The following ZC3H12B variants were observed in gnomAD, a reference collection of about 807,000 sequenced individuals.
The protein encoded by ZC3H12B is probable ribonuclease ZC3H12B.
ZC3H12B carries 7 observed loss-of-function variants against 43.9 expected under a neutral mutation model. That is an observed-to-expected ratio of 0.16 (90% CI 0.09 to 0.30). The LOEUF (loss-of-function observed/expected upper bound fraction) is 0.30. Ranked by LOEUF, ZC3H12B falls within the 10% of genes least tolerant of loss-of-function variation. ZC3H12B has a pLI of 1.00. For missense variants in ZC3H12B, 475 were observed against 670.2 expected (o/e 0.71, Z 3.22); for synonymous variants, 222 against 241.7 (o/e 0.92, Z 0.76).
At chrX:65,416,663 G>A (rs1008222240) in intron 3 of ZC3H12B, among the ~76,000 whole-genome samples, 3 of 108,729 alleles carry the variant, frequency 2.8e-5, no homozygotes, top group African/African-American at 1.0e-4. Context: ...GGTGGTGGGC[G>A]CCTGTAGTTC....
the ZC3H12B span, among the ~76,000 whole-genome samples, chrX:65,067,553 C>T: frequency 1.1e-4 from 12 of 111,244 alleles, no homozygotes; most frequent in African/African-American, 3.3e-4. Flanking sequence ...GTGTTGGTCT[C>T]GCTGGGAGCT....
the ZC3H12B span, among the ~76,000 whole-genome samples, chrX:65,350,893 C>T: frequency 9.0e-6 from 1 of 111,516 alleles, no homozygotes; most frequent in Admixed American, 9.5e-5. Context: ...GGCCATACTG[C>T]CTAAAGTAAT....
exon 1 of ZC3H12B, chrX:65,489,208 C>T: frequency 8.3e-7 from 1 of 1,211,515 alleles, no homozygotes; most frequent in Non-Finnish European, 1.1e-6. Context: ...GGCCCAGAAT[C>T]ACTTATTAAT....
At chrX:65,137,788 A>G in the ZC3H12B span, among the ~76,000 whole-genome samples, 1 of 112,672 alleles carries the variant, frequency 8.9e-6, no homozygotes, top group African/African-American at 3.2e-5. Flanking sequence ...AAACAGTAAG[A>G]TTTATTTTTC....
chrX:65,145,990 A>G, the ZC3H12B span, among the ~76,000 whole-genome samples: 1 of 111,425 alleles, frequency 9.0e-6, no homozygotes. Flanking sequence ...TGAATTTCCC[A>G]GGTGTTCTTT....
chrX:65,142,028 C>T, the ZC3H12B span, among the ~76,000 whole-genome samples: 1 of 112,062 alleles, frequency 8.9e-6, no homozygotes, highest in Non-Finnish European at 1.9e-5. Flanking sequence ...GGCAGATACC[C>T]AGTAGTGGGA....
the ZC3H12B span, among the ~76,000 whole-genome samples, chrX:65,073,489 G>C: frequency 1.8e-5 from 2 of 112,330 alleles, no homozygotes; most frequent in African/African-American, 6.5e-5. Context: ...GGCAGACCAA[G>C]GGGTGTTCAG....
At chrX:65,127,309 G>T in the ZC3H12B span, among the ~76,000 whole-genome samples, 4 of 111,915 alleles carry the variant, frequency 3.6e-5, no homozygotes, top group Non-Finnish European at 7.5e-5. Flanking sequence ...CCAGACTCCA[G>T]GCTAGCACTG....
chrX:65,324,271 T>C, the ZC3H12B span, among the ~76,000 whole-genome samples: 1 of 112,084 alleles, frequency 8.9e-6, no homozygotes, highest in East Asian at 2.8e-4. Flanking sequence ...TCTTTGCCCA[T>C]GCCTATGTCC....
chrX:65,390,269 G>A (rs1025301406), intron 2 of ZC3H12B, among the ~76,000 whole-genome samples: 2 of 110,813 alleles, frequency 1.8e-5, no homozygotes, highest in Non-Finnish European at 3.8e-5. Flanking sequence ...GGTAGGGGGA[G>A]GGGGAGGGAC....
the ZC3H12B span, among the ~76,000 whole-genome samples, chrX:65,095,483 C>G: frequency 9.0e-6 from 1 of 110,977 alleles, no homozygotes; most frequent in East Asian, 2.9e-4. Context: ...TTCAGAGGAT[C>G]ATGTCTTACC....
the ZC3H12B span, among the ~76,000 whole-genome samples, chrX:65,151,917 C>A: frequency 1.8e-5 from 2 of 111,837 alleles, no homozygotes; most frequent in Admixed American, 1.9e-4. Flanking sequence ...GGAGGCAAGG[C>A]TGGTTCAATA....
the ZC3H12B span, among the ~76,000 whole-genome samples, chrX:65,146,375 C>T: frequency 3.6e-5 from 4 of 111,678 alleles, no homozygotes; most frequent in African/African-American, 1.3e-4. Context: ...TCTCCCTTCA[C>T]TTGGATTTTC....
chrX:65,380,879 G>A (rs1218791923), intron 2 of ZC3H12B, among the ~76,000 whole-genome samples: 1 of 111,595 alleles, frequency 9.0e-6, no homozygotes, highest in Non-Finnish European at 1.9e-5. Flanking sequence ...AATGGTAAAG[G>A]GATCAATTCA....
chrX:65,188,895 A>T, the ZC3H12B span, among the ~76,000 whole-genome samples: 1 of 103,737 alleles, frequency 9.6e-6, no homozygotes, highest in African/African-American at 3.5e-5. Flanking sequence ...CACTGCACCC[A>T]CTAACTCGTC....
At chrX:65,148,918 T>C in the ZC3H12B span, among the ~76,000 whole-genome samples, 1 of 111,888 alleles carries the variant, frequency 8.9e-6, no homozygotes, top group African/African-American at 3.2e-5. Flanking sequence ...CAGTGCTCTT[T>C]TTCTTCTTCT....
the ZC3H12B span, among the ~76,000 whole-genome samples, chrX:65,167,808 A>G: frequency 9.0e-6 from 1 of 111,645 alleles, no homozygotes; most frequent in Non-Finnish European, 1.9e-5. Flanking sequence ...GCAATTGTGA[A>G]TGTGAGTTCA....
chrX:65,231,124 G>A, the ZC3H12B span, among the ~76,000 whole-genome samples: 2 of 110,964 alleles, frequency 1.8e-5, no homozygotes, highest in African/African-American at 3.3e-5. Flanking sequence ...CTCCGGAGGT[G>A]CCATCACATA....
intron 3 of ZC3H12B, among the ~76,000 whole-genome samples, chrX:65,401,884 T>C (rs1369567639): frequency 8.9e-6 from 1 of 111,943 alleles, no homozygotes; most frequent in East Asian, 2.8e-4. Context: ...CTTGGCAGCA[T>C]TTATCACCTG....
Sources: allele counts gnomAD v4.1 joint callset (sites outside exome capture counted in the v4.1 genomes callset), GRCh38; gene constraint gnomAD v4.1.1; transcripts MANE v1.5; gene names NCBI Gene and HGNC (gene_info 2026-07-23, HGNC 2026-07-21).